The following ACIN1 variants were observed in gnomAD, a reference collection of about 807,000 sequenced individuals.
ACIN1 encodes apoptotic chromatin condensation inducer 1.
ACIN1 carries 16 observed loss-of-function variants against 146.6 expected under a neutral mutation model. The observed-to-expected ratio is 0.11, with a 90% CI of 0.07 to 0.17. The LOEUF (loss-of-function observed/expected upper bound fraction) is 0.17, where lower values mean the gene tolerates loss of function less well. Ranked by LOEUF, ACIN1 falls within the 10% of genes least tolerant of loss-of-function variation. The pLI is 1.00. For synonymous variants in ACIN1, 569 were observed against 582.7 expected (o/e 0.98, Z 0.34); for missense variants, 1,357 against 1,609.3 (o/e 0.84, Z 2.68).
chr14:23,086,266 A>G (rs1319815637), intron 4 of ACIN1, among the ~76,000 whole-genome samples: 1 of 152,250 alleles, frequency 6.6e-6, no homozygotes, highest in Non-Finnish European at 1.5e-5. Context: ...GGCATACTCT[A>G]TAAGCCAAAG....
intron 11 of ACIN1, 26 bp from the exon 12 acceptor site, chr14:23,064,283 G>A (rs1219962770): frequency 1.2e-6 from 2 of 1,613,886 alleles, no homozygotes; most frequent in Admixed American, 1.7e-5. Context: ...CCCCCACCCC[G>A]TTACACTGGG....
intron 2 of ACIN1, among the ~76,000 whole-genome samples, chr14:23,092,283 C>T (rs2048248484): frequency 6.6e-6 from 1 of 152,076 alleles, no homozygotes; most frequent in South Asian, 2.1e-4. Flanking sequence ...TTTATTTTCA[C>T]CTAAAGTAGA....
At chr14:23,079,239 G>A (rs1284152020) in intron 6 of ACIN1, among the ~76,000 whole-genome samples, 2 of 152,050 alleles carry the variant, frequency 1.3e-5, no homozygotes, top group African/African-American at 4.8e-5. Flanking sequence ...GTTTTAACTA[G>A]ATGCTAGATC....
At chr14:23,073,174 C>G (rs889772990) in intron 8 of ACIN1, among the ~76,000 whole-genome samples, 1 of 152,214 alleles carries the variant, frequency 6.6e-6, no homozygotes, top group Non-Finnish European at 1.5e-5. Context: ...TTCAGCAATG[C>G]CCTTATCACT....
In ACIN1 at chr14:23,067,958, G is replaced by A. The variant is rs1219873513; in HGVS notation, c.2265+1518C>T. ...GAGTTGTGGCTGGCATCTCCTCAGG[G>A]ACTCCAGCTGAGACAGTGGTTCCAG... On this transcript the variant is annotated intron_variant, in intron 9 of 18. Transcript: ENST00000605057. This position sits in a 1 kb window ranked among gnomAD's most constrained non-coding sequence, Gnocchi z 4.6. The A allele has an allele frequency of 6.1e-6, 6 of 985,830 alleles. No homozygotes were observed. Among genetic ancestry groups the A allele is most frequent in the Non-Finnish European group, 7.2e-6 (6 of 829,934 alleles). 61.1% of individuals were successfully genotyped at this position (985,830 alleles called of 1,614,324 possible).
rs2047338210 is a variant in ACIN1 at position 23,063,090 on chromosome 14, C to G, written c.2738-16G>C. The G allele has an allele frequency of 6.3e-7, 1 of 1,590,966 alleles. No homozygotes were observed. Among genetic ancestry groups the G allele is most frequent in the African/African-American group, 1.4e-5 (1 of 73,770 alleles). On this transcript the variant is annotated splice_polypyrimidine_tract_variant and intron_variant, in intron 13 of 18. Coordinates refer to ENST00000605057, the MANE Select transcript of ACIN1 (RefSeq NM_001386863.1). ...CCTAAAGTCACTATCAAGAAGACCA[C>G]AAGAACAGCTTTTGGTAGGAAGCAA...
At chr14:23,073,608 A>C (rs1421414612) in intron 8 of ACIN1, among the ~76,000 whole-genome samples, 1 of 152,154 alleles carries the variant, frequency 6.6e-6, no homozygotes, top group Non-Finnish European at 1.5e-5. Flanking sequence ...TGGTGAGCCG[A>C]GATCGTGCCA....
upstream of ACIN1, chr14:23,095,322 G>C (rs752652862): frequency 6.4e-7 from 1 of 1,560,936 alleles, no homozygotes; most frequent in African/African-American, 1.4e-5. Flanking sequence ...GCCCTGCAGC[G>C]CCCCTTTTCT....
intron 13 of ACIN1, 120 bp downstream of exon 13, chr14:23,063,314 GAT>G: frequency 2.3e-6 from 3 of 1,327,650 alleles, no homozygotes; most frequent in Non-Finnish European, 3.1e-6. Flanking sequence ...GTAGGAGAAA[GAT>G]ATGATATACG....
intron 8 of ACIN1, chr14:23,071,438 A>G (rs1259177519): frequency 1.3e-6 from 2 of 1,551,684 alleles, no homozygotes; most frequent in Admixed American, 3.9e-5. Context: ...GCAAACCCCG[A>G]GTTCGGCTGG....
chr14:23,063,263 A>C (rs1177267703), intron 13 of ACIN1, 173 bp downstream of exon 13: 1 of 1,114,698 alleles, frequency 9.0e-7, no homozygotes, highest in East Asian at 2.6e-5. Context: ...TTCAAAGATT[A>C]AACAGAGTCA....
Position 23,064,463 on chromosome 14 carries a change from T to A in ACIN1, c.2334A>T (p.Gly778=). The part of the protein sequence containing the change: ...VVSATKGVPA[G]NSDTEGGQPG... Reference sequence around the variant, plus strand: ...GCTGGCCCCCCTCTGTGTCACTGTTTCCAGCTGGCACCCCCTTGGTAGCTG... The same window carrying A: ...GCTGGCCCCCCTCTGTGTCACTGTTACCAGCTGGCACCCCCTTGGTAGCTG... Residue 778 remains glycine (G), a synonymous_variant, in exon 11 of 19, where the codon GGA becomes GGT. Coordinates refer to ENST00000605057, the MANE Select transcript of ACIN1 (RefSeq NM_001386863.1). The A allele has an allele frequency of 6.2e-7, 1 of 1,614,256 alleles. No individual in the cohort carries two copies. Among genetic ancestry groups the A allele is most frequent in the Non-Finnish European group, 8.5e-7 (1 of 1,180,042 alleles).
At position 23,079,972 on chromosome 14, in the gene ACIN1, A is replaced by C; in HGVS notation, c.1363T>G (p.Ser455Ala). 2 of 1,614,092 alleles carry C rather than the reference A, an allele frequency of 1.2e-6. No homozygotes were observed. The highest frequency in any genetic ancestry group is 1.7e-6 in the Non-Finnish European group (2 of 1,180,036). The change falls in exon 6 of 19, where the codon TCA (serine) becomes GCA (alanine). Residue 455 changes from serine (S) to alanine (A), a missense_variant. Around this residue, in one of 4 missense-constraint regions of ACIN1, gnomAD observed 771 missense variants for 746.6 expected, o/e 1.03. Coordinates refer to ENST00000605057, the MANE Select transcript of ACIN1 (RefSeq NM_001386863.1). ...LVQKSTLADYSAQKDLEPESD... is the reference protein window; with the variant it reads ...LVQKSTLADYAAQKDLEPESD... ...TCAGGTTCAAGATCCTTCTGGGCTGAGTAGTCAGCCAGTGTGCTTTTCTGA... is the reference window on the plus strand; with the variant it reads ...TCAGGTTCAAGATCCTTCTGGGCTGCGTAGTCAGCCAGTGTGCTTTTCTGA...
intron 8 of ACIN1, chr14:23,076,400 C>T (rs932202880): frequency 6.6e-6 from 1 of 152,146 alleles, no homozygotes; most frequent in Non-Finnish European, 1.5e-5. Context: ...TGCCACTTGC[C>T]TATCATCTTA....
At chr14:23,073,166 C>G (rs527991036) in intron 8 of ACIN1, among the ~76,000 whole-genome samples, 8 of 152,360 alleles carry the variant, frequency 5.3e-5, no homozygotes, top group African/African-American at 1.4e-4. Flanking sequence ...GACAGGTTTT[C>G]AGCAATGCCC....
chr14:23,091,078 T>G (rs2140238324), intron 2 of ACIN1, among the ~76,000 whole-genome samples: 1 of 152,174 alleles, frequency 6.6e-6, no homozygotes, highest in African/African-American at 2.4e-5. Flanking sequence ...CTGATTTTTG[T>G]ATTTTTAGTA....
At chr14:23,071,122 C>A in intron 8 of ACIN1, 2 of 1,551,798 alleles carry the variant, frequency 1.3e-6, no homozygotes, top group African/African-American at 2.7e-5. Flanking sequence ...GTGAAGCTCT[C>A]ACCCTTCTTT....
intron 18 of ACIN1, among the ~76,000 whole-genome samples, chr14:23,060,873 G>C (rs894068608): frequency 2.0e-5 from 3 of 152,200 alleles, no homozygotes; most frequent in African/African-American, 7.2e-5. Flanking sequence ...ACAAACTTCA[G>C]CTGCTATCTG....
intron 8 of ACIN1, among the ~76,000 whole-genome samples, chr14:23,070,833 G>A (rs2047619346): frequency 6.6e-6 from 1 of 152,126 alleles, no homozygotes; most frequent in South Asian, 2.1e-4. Flanking sequence ...AGGGGGGTTA[G>A]GGGGAGGGGA....
Sources: gnomAD v4.1 joint callset for allele counts (sites outside exome capture counted in the v4.1 genomes callset) on GRCh38, gnomAD v4.1.1 for gene constraint, gnomAD v4.1.1 regional missense constraint, Gnocchi (gnomAD v3.1) non-coding constraint, MANE v1.5 for transcripts, NCBI Gene and HGNC (gene_info 2026-07-23, HGNC 2026-07-21) for gene names.